SLC4A4: variants seen among roughly 807,000 people sequenced by gnomAD.
SLC4A4 encodes the protein solute carrier family 4 member 4.
A neutral mutation model predicts 111.5 loss-of-function variants in SLC4A4; 27 were observed. That is an observed-to-expected ratio of 0.24 (90% CI 0.18 to 0.33). The LOEUF is 0.33. SLC4A4 is among the 10% of genes least tolerant of loss of function. The probability of loss-of-function intolerance (pLI) is 1.00; values close to 1 mark genes in which losing one functional copy is unlikely to be tolerated. For missense variants in SLC4A4, 909 were observed against 1,315.5 expected (o/e 0.69, Z 4.78); for synonymous variants, 443 against 463.4 (o/e 0.96, Z 0.57).
chr4:71,464,471 C>T (rs555482175), intron 12 of SLC4A4, among the ~76,000 whole-genome samples: 5 of 152,240 alleles, frequency 3.3e-5, no homozygotes, highest in East Asian at 1.9e-4. Context: ...AGTCTCTCTA[C>T]GGAATGGCTA....
chr4:71,294,286 T>C (rs1274787267), intron 3 of SLC4A4, among the ~76,000 whole-genome samples: 1 of 152,196 alleles, frequency 6.6e-6, no homozygotes, highest in Non-Finnish European at 1.5e-5. Flanking sequence ...CTGACAGGTG[T>C]GGAACTTGTC....
chr4:71,470,374 T>C (rs1230053729), intron 13 of SLC4A4, among the ~76,000 whole-genome samples: 1 of 152,034 alleles, frequency 6.6e-6, no homozygotes, highest in Non-Finnish European at 1.5e-5. Flanking sequence ...TCAATTTGCA[T>C]GATTAGATAA....
At chr4:71,445,150 T>A (rs1683105570) in intron 8 of SLC4A4, among the ~76,000 whole-genome samples, 1 of 152,230 alleles carries the variant, frequency 6.6e-6, no homozygotes, top group Admixed American at 6.5e-5. Flanking sequence ...CTGCTTCCTT[T>A]CATTCTTTGA....
chr4:71,300,888 A>T (rs532824440), intron 3 of SLC4A4: 13 of 505,340 alleles, frequency 2.6e-5, no homozygotes, highest in African/African-American at 2.1e-4. Flanking sequence ...ATTGCTCAGC[A>T]CGTGGTAGGT....
At chr4:71,563,678 C>T in intron 23 of SLC4A4, 115 bp from the exon 24 acceptor site, 1 of 750,028 alleles carries the variant, frequency 1.3e-6, no homozygotes, top group Non-Finnish European at 2.4e-6. Flanking sequence ...AATTATAAGG[C>T]TTTTCTCCTT....
chr4:71,154,368 A>T (rs759345637), intron 2 of SLC4A4, among the ~76,000 whole-genome samples: 10 of 152,204 alleles, frequency 6.6e-5, no homozygotes, highest in Non-Finnish European at 1.5e-4. Flanking sequence ...GGACGCTTTC[A>T]TTGGAAGAAA....
chr4:71,480,717 T>C (rs1260641932), intron 14 of SLC4A4, among the ~76,000 whole-genome samples: 1 of 151,754 alleles, frequency 6.6e-6, no homozygotes, highest in Non-Finnish European at 1.5e-5. Context: ...TAAAGTTTCA[T>C]TATCATGGAA....
chr4:71,251,437 T>A (rs1330004822), intron 2 of SLC4A4, among the ~76,000 whole-genome samples: 1 of 152,180 alleles, frequency 6.6e-6, no homozygotes, highest in African/African-American at 2.4e-5. Context: ...CACGTAGTGA[T>A]CATTTCTGAC....
chr4:71,535,067 A>G (rs1262984831), intron 18 of SLC4A4, among the ~76,000 whole-genome samples: 1 of 152,188 alleles, frequency 6.6e-6, no homozygotes, highest in Non-Finnish European at 1.5e-5. Context: ...TACCATTTGA[A>G]GAAGTGAGAT....
chr4:71,309,512 T>G (rs575273987), intron 3 of SLC4A4, among the ~76,000 whole-genome samples: 2 of 152,228 alleles, frequency 1.3e-5, no homozygotes, highest in African/African-American at 2.4e-5. Flanking sequence ...TTCTGCAGAC[T>G]CCGCTGGTGA....
At chr4:71,260,910 T>C (rs778214194) in intron 3 of SLC4A4, among the ~76,000 whole-genome samples, 7 of 152,246 alleles carry the variant, frequency 4.6e-5, no homozygotes, top group Non-Finnish European at 8.8e-5. Context: ...TTTGAGTTAC[T>C]ATGATTGCCT....
At chr4:71,257,374 C>T (rs1354139880) in intron 3 of SLC4A4, among the ~76,000 whole-genome samples, 1 of 152,176 alleles carries the variant, frequency 6.6e-6, no homozygotes, top group Admixed American at 6.5e-5. Flanking sequence ...ATGTTATACA[C>T]TAATATGCCT....
intron 16 of SLC4A4, among the ~76,000 whole-genome samples, chr4:71,527,409 T>C (rs985434480): frequency 6.6e-6 from 1 of 152,022 alleles, no homozygotes; most frequent in African/African-American, 2.4e-5. Context: ...TTCCGAAGTT[T>C]TAGGTCTGAG....
intron 3 of SLC4A4, among the ~76,000 whole-genome samples, chr4:71,280,649 G>A (rs1331623345): frequency 6.6e-6 from 1 of 152,118 alleles, no homozygotes; most frequent in Non-Finnish European, 1.5e-5. Flanking sequence ...CTTTCACAGA[G>A]CAGAAGTTTT....
At chr4:71,155,090 G>C (rs1161218911) in intron 2 of SLC4A4, among the ~76,000 whole-genome samples, 1 of 149,632 alleles carries the variant, frequency 6.7e-6, no homozygotes, top group African/African-American at 2.5e-5. Context: ...TATGGGGTGT[G>C]TGTGTGTGTG....
chr4:71,114,107 C>T (rs1441608680), intron 2 of SLC4A4, among the ~76,000 whole-genome samples: 2 of 152,140 alleles, frequency 1.3e-5, no homozygotes, highest in South Asian at 4.2e-4. Context: ...ATTAGCCGGG[C>T]GTGGTGGCAG....
intron 2 of SLC4A4, among the ~76,000 whole-genome samples, chr4:71,106,492 T>A (rs532401562): frequency 0.027 from 3,892 of 145,768 alleles, 71 homozygotes; most frequent in Middle Eastern, 0.042. Context: ...ATTGTGGCAT[T>A]ATTCACAATA....
chr4:71,336,052 T>C (rs1728412683), intron 3 of SLC4A4, among the ~76,000 whole-genome samples: 1 of 152,230 alleles, frequency 6.6e-6, no homozygotes, highest in Non-Finnish European at 1.5e-5. Flanking sequence ...GAGATCTTTT[T>C]GTCAGAGGCT....
intron 3 of SLC4A4, among the ~76,000 whole-genome samples, chr4:71,266,893 G>C (rs543736762): frequency 6.6e-6 from 1 of 152,230 alleles, no homozygotes; most frequent in South Asian, 2.1e-4. Context: ...CTGGGCACTG[G>C]GGCTATAGAA....
Sources: allele counts gnomAD v4.1 joint callset (sites outside exome capture counted in the v4.1 genomes callset), GRCh38; gene constraint gnomAD v4.1.1; transcripts MANE v1.5; gene names NCBI Gene and HGNC (gene_info 2026-07-23, HGNC 2026-07-21).